VWA3A: variants seen among roughly 807,000 people sequenced by gnomAD.
The protein encoded by VWA3A is von Willebrand factor A domain-containing protein 3A.
A neutral mutation model predicts 160.4 loss-of-function variants in VWA3A; 134 were observed. The ratio of observed to expected loss-of-function variants is 0.84; its 90% CI spans 0.73 to 0.96. The LOEUF is 0.96. Among genes scored for constraint, VWA3A ranks in the 40% least tolerant of loss-of-function variants. The probability of loss-of-function intolerance (pLI) is 0.00; values close to 1 mark genes in which losing one functional copy is unlikely to be tolerated. For missense variants in VWA3A, 1,310 were observed against 1,447.9 expected (o/e 0.90, Z 1.55); for synonymous variants, 476 against 543.4 (o/e 0.88, Z 1.72).
At chr16:22,144,044 C>T (rs2046202836) in intron 25 of VWA3A, among the ~76,000 whole-genome samples, 1 of 152,062 alleles carries the variant, frequency 6.6e-6, no homozygotes, top group African/African-American at 2.4e-5. Flanking sequence ...CCGCGTCCAG[C>T]CTGCACCCCC....
chr16:22,146,221 C>T lies in VWA3A; in HGVS notation c.2731-15C>T. ...CTGATGGGGTGGGTGCTTGCCTCTG[C>T]TTGCCTTAACCCAGGGAGTGGTGAG... On this transcript the variant is annotated splice_polypyrimidine_tract_variant and intron_variant, in intron 26 of 33. Transcript: ENST00000389398. 6.2e-7 allele frequency: 1 copy of T among 1,608,316 alleles called. No individual in the cohort carries two copies. Among genetic ancestry groups the T allele is most frequent in the Non-Finnish European group, 8.5e-7 (1 of 1,175,772 alleles).
rs563489858 is a variant in VWA3A, at chr16:22,106,597, GCA to G, written c.484-2882_484-2881del. ...AGCAGCACATGGGCCAGTGCAGCAAGCACAGAGTGAGCTATGTGGAGAAAGGA... is the reference window on the plus strand; with the variant it reads ...AGCAGCACATGGGCCAGTGCAGCAAGCAGAGTGAGCTATGTGGAGAAAGGA... On this transcript the variant is annotated intron_variant, in intron 6 of 33. Coordinates refer to ENST00000389398, the MANE Select transcript of VWA3A (RefSeq NM_173615.5). Among the ~76,000 whole-genome samples the G allele has an allele frequency of 6.6e-5, 10 of 152,226 alleles. No individual in the cohort carries two copies. In the South Asian group the frequency reaches 2.1e-3, roughly 31 times the overall value.
intron 8 of VWA3A, among the ~76,000 whole-genome samples, chr16:22,111,921 A>G (rs1325382007): frequency 1.3e-5 from 2 of 152,148 alleles, no homozygotes; most frequent in African/African-American, 4.8e-5. Context: ...CTGGCCCAAA[A>G]CAGTTCCTTA....
chr16:22,118,971 G>T lies in VWA3A; in HGVS notation c.1060G>T (p.Val354Leu), dbSNP rs189355588. The change falls in exon 12 of 34, where the codon GTG becomes TTG. Residue 354 changes from valine (V) to leucine (L), a missense_variant. Transcript: ENST00000389398. ...GAAGGCCCAGAGCCTCCTCAGCCACGTGCAAGCCCTGCAGCACAGCAGCCC... is the reference window on the plus strand; with the variant it reads ...GAAGGCCCAGAGCCTCCTCAGCCACTTGCAAGCCCTGCAGCACAGCAGCCC... Reference protein sequence around the residue: ...IQKAQSLLSHVQALQHSSPCE... With the variant: ...IQKAQSLLSHLQALQHSSPCE... 219 of 1,613,918 alleles carry T rather than the reference G, an allele frequency of 1.4e-4. 1 individual carries two copies. The African/African-American group carries it at 2.5e-3, about 19-fold the overall frequency.
Position 22,138,486 on chromosome 16 carries a change from C to A in VWA3A, c.2266C>A (p.Pro756Thr), listed in dbSNP as rs1334914450. The A allele has an allele frequency of 6.2e-7, 1 of 1,613,944 alleles. No individual in the cohort carries two copies. Reference protein sequence around the residue: ...SQPKKLCPPRPTVPLGARMSI... With the variant: ...SQPKKLCPPRTTVPLGARMSI... ...GCCCAAGAAGCTCTGCCCTCCCAGG[C>A]CCACCGTCCCCCTGGGGGCCAGAAT... The change falls in exon 22 of 34, where the codon CCC becomes ACC. Residue 756 changes from proline (P) to threonine (T), a missense_variant. Physicochemically the swap from Pro to Thr is conservative, Grantham distance 38 (BLOSUM62 -1). Transcript: ENST00000389398.
chr16:22,106,257 C>T (rs907898374), intron 6 of VWA3A, among the ~76,000 whole-genome samples: 2 of 151,862 alleles, frequency 1.3e-5, no homozygotes, highest in Admixed American at 6.6e-5. Flanking sequence ...TGGTGATGGG[C>T]GCCTGTAATC....
chr16:22,145,264 C>G (rs1168682462), intron 26 of VWA3A, among the ~76,000 whole-genome samples: 1 of 152,094 alleles, frequency 6.6e-6, no homozygotes, highest in African/African-American at 2.4e-5. Flanking sequence ...TAGCATGTTG[C>G]CCCTCTCCAC....
intron 3 of VWA3A, among the ~76,000 whole-genome samples, chr16:22,099,619 C>A (rs1161573998): frequency 2.0e-5 from 3 of 152,220 alleles, no homozygotes; most frequent in Non-Finnish European, 4.4e-5. Context: ...CACACTTCTT[C>A]AACACTTGCT....
In VWA3A at chr16:22,132,925, A is replaced by G. The variant is rs2045973929; in HGVS notation, c.1898A>G (p.Glu633Gly). 6.2e-7 allele frequency: 1 copy of G among 1,613,706 alleles called. No individual in the cohort carries two copies. Among genetic ancestry groups the G allele is most frequent in the Non-Finnish European group, 8.5e-7 (1 of 1,179,852 alleles). ...DMPTLSAYMA[E>G]ACGGCDLQLN... ...CCTACACTCAGTGCCTACATGGCTG[A>G]GGCCTGTGGCGGCTGCGACCTCCAG... Residue 633 changes from glutamate (E) to glycine (G), a missense_variant, in exon 20 of 34, where the codon GAG becomes GGG. Glu to Gly is a moderately conservative substitution (Grantham distance 98). Coordinates refer to ENST00000389398, the MANE Select transcript of VWA3A (RefSeq NM_173615.5).
At chr16:22,145,514 C>T (rs902860874) in intron 26 of VWA3A, among the ~76,000 whole-genome samples, 3 of 151,936 alleles carry the variant, frequency 2.0e-5, no homozygotes, top group Non-Finnish European at 4.4e-5. Context: ...TGCTGTGCAC[C>T]TGTAATCCCA....
intron 21 of VWA3A, among the ~76,000 whole-genome samples, chr16:22,136,170 A>T (rs1261927146): frequency 6.6e-6 from 1 of 152,238 alleles, no homozygotes; most frequent in Non-Finnish European, 1.5e-5. Context: ...AGAGGTAGCT[A>T]GGAGCCAGAT....
At chr16:22,110,824 G>A in intron 7 of VWA3A, 64 bp from the exon 8 acceptor site, 1 of 1,483,080 alleles carries the variant, frequency 6.7e-7, no homozygotes, top group South Asian at 1.3e-5. Context: ...AAAGGCCAGA[G>A]AGGCAAAGCC....
chr16:22,122,233 G>T (rs1224903034), intron 14 of VWA3A, among the ~76,000 whole-genome samples: 3 of 85,140 alleles, frequency 3.5e-5, no homozygotes, highest in African/African-American at 9.2e-5. Context: ...GGGTGGGTGG[G>T]TGGATGAATG....
intron 1 of VWA3A, 45 bp downstream of exon 1, chr16:22,092,696 G>A: frequency 1.9e-6 from 3 of 1,549,456 alleles, no homozygotes; most frequent in Non-Finnish European, 2.6e-6. Context: ...GTGAGAGGGT[G>A]TCGGGGAGGC....
intron 31 of VWA3A, among the ~76,000 whole-genome samples, chr16:22,153,530 C>T (rs1402630894): frequency 6.6e-6 from 1 of 152,122 alleles, no homozygotes; most frequent in Non-Finnish European, 1.5e-5. Context: ...CATAGGTTAT[C>T]TATTAAGTAA....
At chr16:22,144,419 TC>T in intron 26 of VWA3A, 35 bp downstream of exon 26, 1 of 1,607,148 alleles carries the variant, frequency 6.2e-7, no homozygotes, top group Non-Finnish European at 8.5e-7. Flanking sequence ...CTTTTTTTTC[TC>T]CCCCAACTCA....
rs2045777121 is a variant in VWA3A at position 22,123,156 on chromosome 16, TA to T, written c.1430del (p.Lys477SerfsTer90). The T allele has an allele frequency of 1.2e-6, 2 of 1,602,504 alleles. No homozygotes were observed. Among genetic ancestry groups the T allele is most frequent in the Non-Finnish European group, 1.7e-6 (2 of 1,174,362 alleles). On this transcript the variant is annotated frameshift_variant, in exon 15 of 34. Coordinates refer to ENST00000389398, the MANE Select transcript of VWA3A (RefSeq NM_173615.5). LOFTEE classifies it high-confidence loss of function. ...NIHVDPPFLY[K>X]YQQQLSRAMR... ...TTCATGTGGACCCACCCTTCCTCTA[TA>T]AGTACCAGGTCAGTGATGGGTTCAA... is the stretch of plus-strand genomic sequence containing the variant.
chr16:22,136,997 C>T (rs976587570), intron 21 of VWA3A, among the ~76,000 whole-genome samples: 4 of 151,950 alleles, frequency 2.6e-5, no homozygotes, highest in Non-Finnish European at 5.9e-5. Context: ...TCCTTGAACC[C>T]GGGAGGCAGA....
chr16:22,121,542 G>A lies in VWA3A; in HGVS notation c.1281G>A (p.Leu427=), dbSNP rs1415545252. The part of the protein sequence containing the change: ...KAKKLSLYQV[L]APNAFSPVEE... Reference sequence around the variant, plus strand: ...AGAAATTAAGTCTATATCAGGTCCTGGCACCCAATGCATTCTCTCCTGTGG... The same window carrying A: ...AGAAATTAAGTCTATATCAGGTCCTAGCACCCAATGCATTCTCTCCTGTGG... The change falls in exon 14 of 34, where the codon CTG becomes CTA. Residue 427 remains leucine, a synonymous_variant. Coordinates refer to ENST00000389398, the MANE Select transcript of VWA3A (RefSeq NM_173615.5). 2 of 1,613,504 alleles carry A rather than the reference G, an allele frequency of 1.2e-6. No homozygotes were observed. The highest frequency in any genetic ancestry group is 1.7e-5 in the Admixed American group (1 of 59,998).
Sources: gnomAD v4.1 joint callset for allele counts (sites outside exome capture counted in the v4.1 genomes callset) on GRCh38, gnomAD v4.1.1 for gene constraint, MANE v1.5 for transcripts, NCBI Gene and HGNC (gene_info 2026-07-23, HGNC 2026-07-21) for gene names.